LHFPL3: variants seen among roughly 807,000 people sequenced by gnomAD.
LHFPL3 encodes the protein LHFPL tetraspan subfamily member 3, also known as LHFPL tetraspan subfamily member 3 protein.
In LHFPL3, 5 loss-of-function variants were observed where a neutral mutation model predicts 19.3. The observed-to-expected ratio is 0.26, with a 90% confidence interval of 0.14 to 0.54. LHFPL3 has a LOEUF of 0.54. Among genes scored for constraint, LHFPL3 ranks in the 20% least tolerant of loss-of-function variants. The probability of loss-of-function intolerance (pLI) is 0.94; values close to 1 mark genes in which losing one functional copy is unlikely to be tolerated. For missense variants in LHFPL3, 249 were observed against 307.4 expected (o/e 0.81, Z 1.42); for synonymous variants, 133 against 126.2 (o/e 1.05, Z -0.36).
At chr7:104,549,290 G>A (rs1039660773) in intron 1 of LHFPL3, among the ~76,000 whole-genome samples, 12 of 147,534 alleles carry the variant, frequency 8.1e-5, no homozygotes, top group African/African-American at 2.1e-4. Context: ...ATGTTCTCAC[G>A]ACAATCTGAG....
At chr7:104,821,255 C>T (rs1790672015) in intron 2 of LHFPL3, among the ~76,000 whole-genome samples, 1 of 152,198 alleles carries the variant, frequency 6.6e-6, no homozygotes, top group South Asian at 2.1e-4. Flanking sequence ...CCTCTGCATC[C>T]TCCTGCTCTC....
intron 2 of LHFPL3, among the ~76,000 whole-genome samples, chr7:104,743,229 C>T (rs915857552): frequency 6.6e-6 from 1 of 152,086 alleles, no homozygotes; most frequent in Non-Finnish European, 1.5e-5. Flanking sequence ...CTGTCAGAGG[C>T]CCATACACTC....
intron 1 of LHFPL3, among the ~76,000 whole-genome samples, chr7:104,619,628 A>G (rs1005833012): frequency 6.6e-6 from 1 of 152,126 alleles, no homozygotes; most frequent in Non-Finnish European, 1.5e-5. Context: ...TATACTTGCC[A>G]CTTAATGCTT....
chr7:104,867,613 G>A (rs1258081291), intron 2 of LHFPL3, among the ~76,000 whole-genome samples: 2 of 152,114 alleles, frequency 1.3e-5, no homozygotes, highest in African/African-American at 2.4e-5. Flanking sequence ...AAAAGTCCAG[G>A]ACCAGATGGA....
chr7:104,650,828 G>GAA (rs1792019508), intron 1 of LHFPL3, among the ~76,000 whole-genome samples: 1 of 152,124 alleles, frequency 6.6e-6, no homozygotes, highest in African/African-American at 2.4e-5. Flanking sequence ...AAGCAAAATG[G>GAA]ACAACCGCTT....
At chr7:104,610,155 T>C (rs1459478312) in intron 1 of LHFPL3, among the ~76,000 whole-genome samples, 2 of 152,216 alleles carry the variant, frequency 1.3e-5, no homozygotes, top group African/African-American at 4.8e-5. Context: ...GTCAAAACTT[T>C]GGAGTAAATG....
At chr7:104,663,446 C>T (rs1792269365) in intron 1 of LHFPL3, among the ~76,000 whole-genome samples, 1 of 152,162 alleles carries the variant, frequency 6.6e-6, no homozygotes, top group Admixed American at 6.5e-5. Context: ...GGCTGGCATT[C>T]CCCAGCTTCA....
chr7:104,897,708 C>T (rs1792394050), intron 2 of LHFPL3, among the ~76,000 whole-genome samples: 1 of 152,212 alleles, frequency 6.6e-6, no homozygotes, highest in Admixed American at 6.5e-5. Context: ...ATTAAACACA[C>T]TGATTCTAGT....
chr7:104,558,013 A>G (rs1294671594), intron 1 of LHFPL3, among the ~76,000 whole-genome samples: 247 of 150,194 alleles, frequency 1.6e-3, no homozygotes, highest in African/African-American at 5.9e-3. Context: ...TGAACTCATC[A>G]TTTTTTATGG....
chr7:104,453,429 G>A (rs914451894), intron 1 of LHFPL3, among the ~76,000 whole-genome samples: 4 of 151,902 alleles, frequency 2.6e-5, no homozygotes, highest in Middle Eastern at 3.2e-3. Context: ...TGGGAGATAG[G>A]GACCCTATCT....
chr7:104,761,585 G>A (rs562974899), intron 2 of LHFPL3, among the ~76,000 whole-genome samples: 13 of 152,100 alleles, frequency 8.5e-5, no homozygotes, highest in African/African-American at 3.1e-4. Context: ...GGAAGGCTAG[G>A]GTAGAAAAAG....
intron 1 of LHFPL3, among the ~76,000 whole-genome samples, chr7:104,674,388 T>C (rs74855912): frequency 2.0e-5 from 3 of 149,872 alleles, no homozygotes; most frequent in Non-Finnish European, 4.4e-5. Flanking sequence ...TTTTTTTTTT[T>C]TGACGGATTT....
chr7:104,777,096 T>C (rs1383173027), intron 2 of LHFPL3, among the ~76,000 whole-genome samples: 1 of 152,206 alleles, frequency 6.6e-6, no homozygotes, highest in Non-Finnish European at 1.5e-5. Context: ...AGGAAAGAGA[T>C]GCAGGGAGCA....
intron 2 of LHFPL3, chr7:104,896,022 G>A (rs1792351414): frequency 6.6e-6 from 1 of 152,244 alleles, no homozygotes; most frequent in Non-Finnish European, 1.5e-5. Flanking sequence ...CGCGTCCTCA[G>A]ATGGCTTTTT....
intron 1 of LHFPL3, among the ~76,000 whole-genome samples, chr7:104,594,971 G>A (rs747206608): frequency 6.6e-5 from 10 of 152,168 alleles, no homozygotes; most frequent in East Asian, 3.9e-4. Flanking sequence ...GCTTCCTTAC[G>A]ATGGGTTCAA....
intron 2 of LHFPL3, among the ~76,000 whole-genome samples, chr7:104,876,556 C>A (rs1791945964): frequency 6.6e-6 from 1 of 151,178 alleles, no homozygotes; most frequent in Admixed American, 6.6e-5. Flanking sequence ...CAGAGAAATG[C>A]AAATCAAAAC....
Position 104,521,980 on chromosome 7 carries a change from G to A in LHFPL3, c.445+192756G>A, listed in dbSNP as rs576908564. 8.6e-3 allele frequency among the ~76,000 whole-genome samples: 1,315 copies of A among 152,084 alleles called. 17 individuals are homozygous for A. Among genetic ancestry groups the A allele is most frequent in the African/African-American group, 0.03 (1,236 of 41,452 alleles). On this transcript the variant is annotated intron_variant, in intron 1 of 2. Transcript: ENST00000424859. Reference sequence around the variant, plus strand: ...CAACCATTGTGGAAGTCAGTGTGGCGATTCCTCAGGGATCTAGAACTGGAA... The same window carrying A: ...CAACCATTGTGGAAGTCAGTGTGGCAATTCCTCAGGGATCTAGAACTGGAA...
chr7:104,901,719 C>A (rs996575819), intron 2 of LHFPL3, among the ~76,000 whole-genome samples: 13 of 152,050 alleles, frequency 8.5e-5, no homozygotes, highest in African/African-American at 2.9e-4. Context: ...TGGTGTGCAC[C>A]ATCACACCTG....
At chr7:104,714,214 TTTG>T (rs199941667) in intron 1 of LHFPL3, among the ~76,000 whole-genome samples, 1,786 of 152,256 alleles carry the variant, frequency 0.012, 33 homozygotes, top group African/African-American at 0.04. Context: ...TACCCTTTCG[TTTG>T]TTGTTGTTGT....
Sources: gnomAD v4.1 joint callset for allele counts (sites outside exome capture counted in the v4.1 genomes callset) on GRCh38, gnomAD v4.1.1 for gene constraint, MANE v1.5 for transcripts, NCBI Gene and HGNC (gene_info 2026-07-23, HGNC 2026-07-21) for gene names.